The following SEMA3C variants were observed in gnomAD, a reference collection of about 807,000 sequenced individuals.
SEMA3C encodes semaphorin 3C, also known as semaphorin-3C.
A neutral mutation model predicts 89.4 loss-of-function variants in SEMA3C; 47 were observed. The observed-to-expected ratio is 0.53, with a 90% confidence interval of 0.42 to 0.67. The LOEUF (loss-of-function observed/expected upper bound fraction) is 0.67. Ranked by LOEUF, SEMA3C falls within the 30% of genes least tolerant of loss-of-function variation. The pLI is 0.00. For missense variants in SEMA3C, 839 were observed against 929.1 expected, an observed-to-expected ratio of 0.90 and a Z score of 1.26; for synonymous variants, 310 against 320.2, an observed-to-expected ratio of 0.97 and a Z score of 0.34.
chr7:80,773,184 T>C (rs1788472618), intron 12 of SEMA3C, among the ~76,000 whole-genome samples: 1 of 152,162 alleles, frequency 6.6e-6, no homozygotes, highest in Non-Finnish European at 1.5e-5. Context: ...TAACACATTT[T>C]CTACCACTAT....
chr7:80,864,466 T>C (rs535128980), intron 2 of SEMA3C, among the ~76,000 whole-genome samples: 1 of 152,232 alleles, frequency 6.6e-6, no homozygotes, highest in South Asian at 2.1e-4. Context: ...TTTTATTCAA[T>C]ATTTAACTTA....
chr7:80,831,009 A>G (rs10487878), intron 2 of SEMA3C, among the ~76,000 whole-genome samples: 5,616 of 152,218 alleles, frequency 0.037, 325 homozygotes, highest in East Asian at 0.26. Flanking sequence ...TCTGTCTAAA[A>G]TCCAGGTGTT....
chr7:80,922,182 A>G (rs1341112138), upstream of SEMA3C: 1 of 1,147,234 alleles, frequency 8.7e-7, no homozygotes, highest in Non-Finnish European at 1.2e-6. Context: ...AATGGGTAGT[A>G]AATATCAGAA....
intron 2 of SEMA3C, among the ~76,000 whole-genome samples, chr7:80,871,101 T>C (rs1252479504): frequency 6.6e-6 from 1 of 152,240 alleles, no homozygotes; most frequent in Non-Finnish European, 1.5e-5. Flanking sequence ...CTGTCAGTGT[T>C]CCATTTAAAT....
chr7:80,840,277 T>C (rs1790231762), intron 2 of SEMA3C, among the ~76,000 whole-genome samples: 2 of 152,028 alleles, frequency 1.3e-5, no homozygotes, highest in African/African-American at 2.4e-5. Flanking sequence ...CCGAACATTA[T>C]GGGAGGCAAT....
chr7:80,800,791 TC>T lies in SEMA3C; in HGVS notation c.951del (p.Thr318GlnfsTer3). The T allele has an allele frequency of 1.3e-6, 2 of 1,519,042 alleles. No homozygotes were observed. The highest frequency in any genetic ancestry group is 1.8e-6 in the Non-Finnish European group (2 of 1,139,148). 94.1% of individuals were successfully genotyped at this position (1,519,042 alleles called of 1,614,324 possible). A position where few individuals can be genotyped will look rare whatever the true frequency, so the allele number is the denominator to read the frequency against. ...GTAAAAATGCCATACACTAGTGTTG[TC>T]CTCGGGTTATCAGTTTCCAGCAGAA... The part of the protein sequence containing the change: ...DVFLLETDNP[R>X]TTLVYGIFTT... On this transcript the variant is annotated frameshift_variant, in exon 10 of 18. Transcript: ENST00000265361. LOFTEE classifies it high-confidence loss of function.
chr7:80,779,651 G>T lies in SEMA3C; in HGVS notation c.1354+9655C>A, dbSNP rs1788648061. On this transcript the variant is annotated intron_variant, in intron 12 of 17. Coordinates refer to ENST00000265361, the MANE Select transcript of SEMA3C (RefSeq NM_006379.5). ...GTGAAAATGATCTACCTAAAAATGT[G>T]TATGGGTCATGGCTGACACACTCTT... 4.6e-5 allele frequency among the ~76,000 whole-genome samples: 7 copies of T among 152,178 alleles called. No homozygotes were observed. The South Asian group carries it at 1.5e-3, about 32-fold the overall frequency.
chr7:80,751,266 T>C lies in SEMA3C; in HGVS notation c.1711+3A>G. 6.2e-7 allele frequency: 1 copy of C among 1,613,456 alleles called. No individual in the cohort carries two copies. The highest frequency in any genetic ancestry group is 1.7e-5 in the Admixed American group (1 of 60,016). On this transcript the variant is annotated splice_donor_region_variant and intron_variant, in intron 16 of 17. Coordinates refer to ENST00000265361, the MANE Select transcript of SEMA3C (RefSeq NM_006379.5). ...GAGATTGGCCATTGCTCACTTTTAA[T>C]ACCTTTTAGATTAAATCCTCTGCAT...
At chr7:80,918,719 A>C (rs564263256) in intron 1 of SEMA3C, 109 bp downstream of exon 1, 10 of 677,660 alleles carry the variant, frequency 1.5e-5, no homozygotes, top group Non-Finnish European at 1.8e-5. Context: ...GTGTGTTCTT[A>C]AGAAAATGTC....
At chr7:80,861,305 CTA>C (rs1292680247) in intron 2 of SEMA3C, among the ~76,000 whole-genome samples, 2 of 152,152 alleles carry the variant, frequency 1.3e-5, no homozygotes, top group East Asian at 1.9e-4. Context: ...TGAAAACTTA[CTA>C]TATATATTAC....
At chr7:80,801,272 T>G (rs1013349572) in intron 9 of SEMA3C, among the ~76,000 whole-genome samples, 1 of 152,104 alleles carries the variant, frequency 6.6e-6, no homozygotes, top group Non-Finnish European at 1.5e-5. Flanking sequence ...AATCTCAATT[T>G]CTTTTTGATC....
At chr7:80,745,441 A>C in intron 17 of SEMA3C, 134 bp from the exon 18 acceptor site, 1 of 837,796 alleles carries the variant, frequency 1.2e-6, no homozygotes, top group Non-Finnish European at 1.8e-6. Flanking sequence ...CATCCTTCTC[A>C]GTGGACATGA....
At chr7:80,836,045 G>A (rs1288758690) in intron 2 of SEMA3C, among the ~76,000 whole-genome samples, 2 of 152,150 alleles carry the variant, frequency 1.3e-5, no homozygotes, top group African/African-American at 4.8e-5. Context: ...CTCTGGACAT[G>A]GGTCTGCATA....
At chr7:80,761,900 C>A (rs1175876505) in intron 13 of SEMA3C, among the ~76,000 whole-genome samples, 2 of 151,686 alleles carry the variant, frequency 1.3e-5, no homozygotes, top group East Asian at 3.9e-4. Flanking sequence ...ACCAGCCTCG[C>A]CAACATGGTG....
upstream of SEMA3C, among the ~76,000 whole-genome samples, chr7:80,920,239 G>C (rs913820522): frequency 2.0e-5 from 3 of 152,274 alleles, no homozygotes; most frequent in South Asian, 6.2e-4. Flanking sequence ...TAAACTAGAT[G>C]TTTAAACATC....
intron 17 of SEMA3C, among the ~76,000 whole-genome samples, chr7:80,748,489 G>T (rs1787849460): frequency 6.6e-6 from 1 of 152,108 alleles, no homozygotes; most frequent in Non-Finnish European, 1.5e-5. Context: ...TGTCATGAAG[G>T]TTATAGTTCA....
In SEMA3C at chr7:80,811,998, T is replaced by G. The variant is rs545429294; in HGVS notation, c.448-1297A>C. On this transcript the variant is annotated intron_variant, in intron 5 of 17. Coordinates refer to ENST00000265361, the MANE Select transcript of SEMA3C (RefSeq NM_006379.5). Reference sequence around the variant, plus strand: ...CTGAAAGGATACATCTATTACATTCTCTGTACATGCCTCCAAACTACTGTT... The same window carrying G: ...CTGAAAGGATACATCTATTACATTCGCTGTACATGCCTCCAAACTACTGTT... Among the ~76,000 whole-genome samples the G allele has an allele frequency of 1.5e-3, 235 of 152,312 alleles. 3 individuals carry two copies. The highest frequency in any genetic ancestry group is 5.4e-3 in the African/African-American group (226 of 41,566).
chr7:80,887,390 C>G (rs1354844383), intron 2 of SEMA3C, among the ~76,000 whole-genome samples: 1 of 152,076 alleles, frequency 6.6e-6, no homozygotes, highest in Non-Finnish European at 1.5e-5. Flanking sequence ...ATGAGTTTCT[C>G]TCATAGTGAG....
chr7:80,870,336 A>G lies in SEMA3C; in HGVS notation c.104-41591T>C, dbSNP rs573279723. On this transcript the variant is annotated intron_variant, in intron 2 of 17. Coordinates refer to ENST00000265361, the MANE Select transcript of SEMA3C (RefSeq NM_006379.5). ...ATATTAACCATACTGACTTTTTAAA[A>G]AAGTCATCATTTATATTCAGCACAT... is the stretch of plus-strand genomic sequence containing the variant. Among the ~76,000 whole-genome samples the G allele has an allele frequency of 3.7e-4, 56 of 152,222 alleles. No homozygotes were observed. In the South Asian group the frequency reaches 0.011, roughly 30 times the overall value.
Sources: gnomAD v4.1 joint callset for allele counts (sites outside exome capture counted in the v4.1 genomes callset) on GRCh38, gnomAD v4.1.1 for gene constraint, MANE v1.5 for transcripts, NCBI Gene and HGNC (gene_info 2026-07-23, HGNC 2026-07-21) for gene names.